The following ODF2 variants were observed in gnomAD, a reference collection of about 807,000 sequenced individuals.
The protein encoded by ODF2 is outer dense fiber protein 2.
A neutral mutation model predicts 110.2 loss-of-function variants in ODF2; 47 were observed. That is an observed-to-expected ratio of 0.43 (90% CI 0.34 to 0.54). The LOEUF (loss-of-function observed/expected upper bound fraction) is 0.54, where lower values mean the gene tolerates loss of function less well. Ranked by LOEUF, ODF2 falls within the 20% of genes least tolerant of loss-of-function variation. ODF2 has a pLI of 0.03. For synonymous variants in ODF2, 352 were observed against 397.7 expected, an observed-to-expected ratio of 0.89 and a Z score of 1.37; for missense variants, 812 against 1,054.5, an observed-to-expected ratio of 0.77 and a Z score of 3.19.
chr9:128,483,892 A>C (rs1001529277), intron 10 of ODF2, 46 bp from the exon 11 acceptor site: 1 of 1,390,544 alleles, frequency 7.2e-7, no homozygotes. Flanking sequence ...TATGAAAAAA[A>C]CAAACAAAAA....
chr9:128,460,347 G>T (rs1836104345), intron 3 of ODF2: 4 of 1,437,912 alleles, frequency 2.8e-6, no homozygotes, highest in Admixed American at 4.4e-5. Context: ...CTCCCTTGTG[G>T]TCTTCTGCTG....
chr9:128,473,887 C>T (rs1840644667), intron 8 of ODF2, 146 bp downstream of exon 8: 3 of 699,124 alleles, frequency 4.3e-6, no homozygotes, highest in Non-Finnish European at 6.9e-6. Context: ...ACATGAAGTG[C>T]TCAGCACCCA....
chr9:128,488,222 C>G (rs1029924108), intron 14 of ODF2, among the ~76,000 whole-genome samples, 197 bp downstream of exon 14: 1 of 152,078 alleles, frequency 6.6e-6, no homozygotes, highest in Non-Finnish European at 1.5e-5. Flanking sequence ...GAGCCTAGTT[C>G]GAGACCAGCC....
rs764797598 is a variant in ODF2, at chr9:128,500,077, G to A, written c.2312G>A (p.Arg771His). ...GTTTCTCCTCGTTAGGCGGACCGCC[G>A]CTACCAGAGCCGGCTGCAAGACCTG... Residue 771 changes from arginine (R) to histidine (H), a missense_variant, in exon 21 of 21, where the codon CGC becomes CAC. Physicochemically the swap from Arg to His is conservative, Grantham distance 29. Coordinates refer to ENST00000604420, the Ensembl canonical transcript of ODF2. 6.2e-6 allele frequency: 10 copies of A among 1,614,232 alleles called. No individual in the cohort carries two copies. The Admixed American group carries it at 6.7e-5, about 11-fold the overall frequency.
exon 18 of ODF2, chr9:128,496,044 G>A (rs1429058926): frequency 9.9e-6 from 16 of 1,613,634 alleles, no homozygotes; most frequent in African/African-American, 2.7e-5. Context: ...ATTTTAGATC[G>A]AACACCAGGG....
chr9:128,471,757 C>G (rs1300127943), intron 6 of ODF2, among the ~76,000 whole-genome samples: 1 of 152,098 alleles, frequency 6.6e-6, no homozygotes, highest in Non-Finnish European at 1.5e-5. Flanking sequence ...GATGGTTAAG[C>G]ATTCGGCAGG....
chr9:128,494,671 A>C lies in ODF2; in HGVS notation c.1911+3A>C. The C allele has an allele frequency of 6.2e-7, 1 of 1,614,216 alleles. No individual in the cohort carries two copies. Among genetic ancestry groups the C allele is most frequent in the East Asian group, 2.2e-5 (1 of 44,880 alleles). On this transcript the variant is annotated splice_donor_region_variant and intron_variant, in intron 17 of 20. Coordinates refer to ENST00000604420, the Ensembl canonical transcript of ODF2. This position sits in a 1 kb window ranked among gnomAD's most constrained non-coding sequence, Gnocchi z 4.6. ...TCATATCAGACCTGCGCAGCCGGGTAAGGGACTGGCAGAAAGGGTCCCACG... is the reference window on the plus strand; with the variant it reads ...TCATATCAGACCTGCGCAGCCGGGTCAGGGACTGGCAGAAAGGGTCCCACG...
upstream of ODF2, chr9:128,455,226 T>C (rs747784140): frequency 6.5e-6 from 10 of 1,535,056 alleles, no homozygotes; most frequent in South Asian, 2.4e-5. Context: ...CTCATCAGAA[T>C]AGGTCTGTAC....
chr9:128,496,096 AG>A lies in ODF2; in HGVS notation c.1968del (p.Lys657ArgfsTer6), dbSNP rs1439709842. 1.2e-6 allele frequency: 2 copies of A among 1,613,912 alleles called. No homozygotes were observed. Among genetic ancestry groups the A allele is most frequent in the African/African-American group, 2.7e-5 (2 of 74,912 alleles). On this transcript the variant is annotated frameshift_variant, in exon 18 of 21. Coordinates refer to ENST00000604420, the Ensembl canonical transcript of ODF2. LOFTEE classifies it high-confidence loss of function. ...GCGAGAGAGAAACATCAGGCTTCCC[AG>A]AAGGAAAATAAACAGCTGAGTCTGA...
chr9:128,472,921 A>G, exon 7 of ODF2: 1 of 1,614,044 alleles, frequency 6.2e-7, no homozygotes. Flanking sequence ...AGACTTCAGA[A>G]GAAACACCTA....
intron 1 of ODF2, chr9:128,456,769 C>T (rs1830208287): frequency 1.7e-6 from 2 of 1,185,736 alleles, no homozygotes; most frequent in Admixed American, 3.7e-5. Context: ...GGGGGGGGGT[C>T]CCGCCCGCCC....
At position 128,474,433 on chromosome 9, in the gene ODF2, C is replaced by T. The variant is rs532390517; in HGVS notation, c.843+692C>T. Reference sequence around the variant, plus strand: ...GCTTGAACCTGGGAGGCGGAGGTTGCGGTGAGCTGAGATCGCGTCACTGCA... The same window carrying T: ...GCTTGAACCTGGGAGGCGGAGGTTGTGGTGAGCTGAGATCGCGTCACTGCA... On this transcript the variant is annotated intron_variant, in intron 8 of 20. Transcript: ENST00000604420. Among the ~76,000 whole-genome samples, 12 of 151,810 alleles carry T rather than the reference C, an allele frequency of 7.9e-5. No individual in the cohort carries two copies. In the South Asian group the frequency reaches 1.7e-3, roughly 21 times the overall value.
chr9:128,496,736 A>ATCTG (rs1472337416), intron 18 of ODF2, among the ~76,000 whole-genome samples: 1 of 151,864 alleles, frequency 6.6e-6, no homozygotes, highest in Admixed American at 6.6e-5. Context: ...CTATCTATCT[A>ATCTG]TCTATCATCT....
upstream of ODF2, among the ~76,000 whole-genome samples, chr9:128,455,792 C>T (rs1469795916): frequency 2.0e-5 from 3 of 152,030 alleles, no homozygotes; most frequent in African/African-American, 7.2e-5. Context: ...TTCCATGGGT[C>T]CTCTGTGAGC....
At chr9:128,487,800 ACAAAACAC>A (rs1181796830) in intron 13 of ODF2, 82 bp from the exon 14 acceptor site, 9 of 1,209,962 alleles carry the variant, frequency 7.4e-6, no homozygotes, top group African/African-American at 5.6e-5. Flanking sequence ...AAACAAACAA[ACAAAACAC>A]ACACACACAC....
intron 18 of ODF2, chr9:128,497,577 G>A (rs1845883165): frequency 6.7e-6 from 1 of 149,012 alleles, no homozygotes; most frequent in Non-Finnish European, 1.5e-5. Flanking sequence ...CCGGGAGGCG[G>A]AGCTTGCATT....
At chr9:128,479,220 G>T (rs542789458) in intron 8 of ODF2, among the ~76,000 whole-genome samples, 108 of 152,260 alleles carry the variant, frequency 7.1e-4, no homozygotes, top group South Asian at 4.1e-3. Flanking sequence ...TTATGAAGGG[G>T]ATCTGTGGGT....
At position 128,485,193 on chromosome 9, in the gene ODF2, G is replaced by A. The variant is rs558035579; in HGVS notation, c.1291-172G>A. On this transcript the variant is annotated intron_variant, in intron 12 of 20. Coordinates refer to ENST00000604420, the Ensembl canonical transcript of ODF2. The surrounding 1 kb of genome is among the most constrained non-coding windows in gnomAD (Gnocchi z 5.0). ...GATGCATTTGATTGCTAGAAATCTG[G>A]GAGCACTAGCTGGGCTCCCACTGTT... is the stretch of plus-strand genomic sequence containing the variant. Among the ~76,000 whole-genome samples the A allele has an allele frequency of 6.6e-6, 1 of 152,236 alleles. No individual in the cohort carries two copies. The highest frequency in any genetic ancestry group is 2.1e-4 in the South Asian group (1 of 4,820).
intron 8 of ODF2, among the ~76,000 whole-genome samples, chr9:128,473,994 G>A (rs981950706): frequency 1.3e-5 from 2 of 152,128 alleles, no homozygotes; most frequent in African/African-American, 4.8e-5. Context: ...AGTCAGGGAG[G>A]GGTTCAGCCC....
Sources: gnomAD v4.1 joint callset for allele counts (sites outside exome capture counted in the v4.1 genomes callset) on GRCh38, gnomAD v4.1.1 for gene constraint, Gnocchi (gnomAD v3.1) non-coding constraint, MANE v1.5 for transcripts, NCBI Gene and HGNC (gene_info 2026-07-23, HGNC 2026-07-21) for gene names.